The following CELF4 variants were observed in gnomAD, a reference collection of about 807,000 sequenced individuals.
CELF4 encodes the protein CUGBP Elav-like family member 4.
A neutral mutation model predicts 59.9 loss-of-function variants in CELF4; 18 were observed. That is an observed-to-expected ratio of 0.30 (90% CI 0.21 to 0.45). The LOEUF is 0.45. CELF4 is among the 20% of genes least tolerant of loss of function. The pLI is 1.00. For missense variants in CELF4, 456 were observed against 689.0 expected, an observed-to-expected ratio of 0.66 and a Z score of 3.79; for synonymous variants, 261 against 267.1, an observed-to-expected ratio of 0.98 and a Z score of 0.22.
rs895587930 is a variant in CELF4 at position 37,423,430 on chromosome 18, G to A, written c.369+62095C>T. Among the ~76,000 whole-genome samples, 14 of 152,238 alleles carry A rather than the reference G, an allele frequency of 9.2e-5. No individual in the cohort carries two copies. In the East Asian group the frequency reaches 1.2e-3, roughly 13 times the overall value. Reference sequence around the variant, plus strand: ...GATGGGAAGACTGCCTGGAGGAGGCGGGGTCAAAGGTGGGCTTAGGAGGAG... The same window carrying A: ...GATGGGAAGACTGCCTGGAGGAGGCAGGGTCAAAGGTGGGCTTAGGAGGAG... On this transcript the variant is annotated intron_variant, in intron 2 of 12. Transcript: ENST00000420428.
chr18:37,347,446 C>G (rs2098303010), intron 2 of CELF4, among the ~76,000 whole-genome samples: 1 of 152,166 alleles, frequency 6.6e-6, no homozygotes, highest in African/African-American at 2.4e-5. Flanking sequence ...ACACTTGGCT[C>G]TCTGTGCCTG....
At chr18:37,451,934 G>A (rs960239419) in intron 2 of CELF4, among the ~76,000 whole-genome samples, 2 of 152,140 alleles carry the variant, frequency 1.3e-5, no homozygotes, top group Non-Finnish European at 2.9e-5. Context: ...TGAGCCCAGG[G>A]CGGGGGATCC....
chr18:37,396,809 A>C (rs1211209597), intron 2 of CELF4, among the ~76,000 whole-genome samples: 3 of 152,192 alleles, frequency 2.0e-5, no homozygotes, highest in Admixed American at 6.5e-5. Flanking sequence ...CCGCACAGCC[A>C]AGCCACCACG....
chr18:37,488,092 G>T (rs961538219), intron 1 of CELF4, among the ~76,000 whole-genome samples: 9 of 151,892 alleles, frequency 5.9e-5, no homozygotes, highest in African/African-American at 1.9e-4. Context: ...CCTCTTCCCA[G>T]AACGGCACCC....
intron 2 of CELF4, among the ~76,000 whole-genome samples, chr18:37,458,766 G>C (rs1057280559): frequency 6.6e-6 from 1 of 152,130 alleles, no homozygotes; most frequent in East Asian, 1.9e-4. Context: ...AAAGTTTCTC[G>C]GGGTTTGCAG....
In CELF4 at chr18:37,337,005, C is replaced by T. The variant is rs113908759; in HGVS notation, c.370-15124G>A. On this transcript the variant is annotated intron_variant, in intron 2 of 12. Coordinates refer to ENST00000420428, the MANE Select transcript of CELF4 (RefSeq NM_020180.4). ...GTCCCTCCTGGGCCCTGGCCGCCTC[C>T]GGCTGTGCTCCACTCACCATGCCTG... 3.0e-3 allele frequency among the ~76,000 whole-genome samples: 456 copies of T among 152,306 alleles called. 3 individuals carry two copies. The highest frequency in any genetic ancestry group is 0.01 in the African/African-American group (436 of 41,574).
At chr18:37,336,779 G>A (rs1488564161) in intron 2 of CELF4, among the ~76,000 whole-genome samples, 2 of 152,182 alleles carry the variant, frequency 1.3e-5, no homozygotes, top group South Asian at 2.1e-4. Flanking sequence ...TGGATGCGGC[G>A]TCTCTCCAGG....
chr18:37,329,538 G>T (rs918990942), intron 2 of CELF4, among the ~76,000 whole-genome samples: 9 of 152,158 alleles, frequency 5.9e-5, no homozygotes, highest in Non-Finnish European at 1.3e-4. Context: ...GGCCTCTTTT[G>T]GCTGGCCAGA....
At chr18:37,326,418 C>A (rs143190556) in intron 2 of CELF4, among the ~76,000 whole-genome samples, 11 of 152,320 alleles carry the variant, frequency 7.2e-5, no homozygotes, top group South Asian at 2.1e-4. Context: ...TCCACCAGTG[C>A]GCTGTCCTCC....
intron 1 of CELF4, among the ~76,000 whole-genome samples, chr18:37,500,354 C>A (rs1325109154): frequency 6.6e-6 from 1 of 151,988 alleles, no homozygotes; most frequent in Non-Finnish European, 1.5e-5. Context: ...GGAGTAGGGC[C>A]GAGGAGGGGT....
rs115368970 is a variant in CELF4, at chr18:37,493,623, C to T, written c.287-8016G>A. 4.4e-3 allele frequency among the ~76,000 whole-genome samples: 671 copies of T among 151,222 alleles called. 6 individuals carry two copies. The highest frequency in any genetic ancestry group is 0.016 in the African/African-American group (645 of 41,072). ...TGCTCAGGCCCCTGGTAGCAGGAGCCATACGTCTTCCTCAGAGGAGGCAGC... is the reference window on the plus strand; with the variant it reads ...TGCTCAGGCCCCTGGTAGCAGGAGCTATACGTCTTCCTCAGAGGAGGCAGC... On this transcript the variant is annotated intron_variant, in intron 1 of 12. Coordinates refer to ENST00000420428, the MANE Select transcript of CELF4 (RefSeq NM_020180.4).
At chr18:37,560,621 TG>T (rs1345197019) in intron 1 of CELF4, among the ~76,000 whole-genome samples, 1 of 152,242 alleles carries the variant, frequency 6.6e-6, no homozygotes. Flanking sequence ...CTAGCCATTC[TG>T]CCAGTCTTTC....
intron 2 of CELF4, among the ~76,000 whole-genome samples, chr18:37,358,714 C>A (rs764403643): frequency 6.6e-6 from 1 of 152,218 alleles, no homozygotes; most frequent in African/African-American, 2.4e-5. Flanking sequence ...AGGCTGTAGT[C>A]CCTCCCTCAG....
At chr18:37,296,389 T>A (rs2095642663) in intron 3 of CELF4, among the ~76,000 whole-genome samples, 1 of 152,122 alleles carries the variant, frequency 6.6e-6, no homozygotes, top group African/African-American at 2.4e-5. Flanking sequence ...AGAAACAGGG[T>A]TTTGCCATGT....
chr18:37,405,725 T>C (rs1009946276), intron 2 of CELF4, among the ~76,000 whole-genome samples: 1 of 152,212 alleles, frequency 6.6e-6, no homozygotes, highest in African/African-American at 2.4e-5. Context: ...AGGAGTCCCC[T>C]CTCTACCTGT....
chr18:37,273,129 A>G lies in CELF4; in HGVS notation c.836T>C (p.Val279Ala). 6.2e-7 allele frequency: 1 copy of G among 1,613,358 alleles called. No individual in the cohort carries two copies. The highest frequency in any genetic ancestry group is 8.5e-7 in the Non-Finnish European group (1 of 1,179,608). ...MQQQAALMAS[V>A]AQGGYLNPMA... ...GGGGTTCAGGTAGCCGCCCTGCGCGACTGATGCCATCAGGGCCGCTTGCTG... is the reference window on the plus strand; with the variant it reads ...GGGGTTCAGGTAGCCGCCCTGCGCGGCTGATGCCATCAGGGCCGCTTGCTG... The change falls in exon 7 of 13, where the codon GTC (valine) becomes GCC (alanine). Residue 279 changes from valine (V) to alanine (A), a missense_variant. By Grantham distance (64) the Val-to-Ala change is moderately conservative. Transcript: ENST00000420428.
At chr18:37,483,227 G>T (rs2099873381) in intron 2 of CELF4, among the ~76,000 whole-genome samples, 1 of 152,174 alleles carries the variant, frequency 6.6e-6, no homozygotes, top group Non-Finnish European at 1.5e-5. Flanking sequence ...TCTGCTTTCT[G>T]GAATCAAAAC....
chr18:37,541,397 CT>C (rs2099977701), intron 1 of CELF4, among the ~76,000 whole-genome samples: 2 of 152,070 alleles, frequency 1.3e-5, no homozygotes, highest in South Asian at 4.2e-4. Flanking sequence ...CCTGGGACCC[CT>C]ATCTCCCAAA....
At chr18:37,328,607 C>T (rs1025669218) in intron 2 of CELF4, among the ~76,000 whole-genome samples, 1 of 152,204 alleles carries the variant, frequency 6.6e-6, no homozygotes, top group Non-Finnish European at 1.5e-5. Context: ...CTCTTACCTC[C>T]CCATTCCTGT....
Sources: gnomAD v4.1 joint callset for allele counts (sites outside exome capture counted in the v4.1 genomes callset) on GRCh38, gnomAD v4.1.1 for gene constraint, MANE v1.5 for transcripts, NCBI Gene and HGNC (gene_info 2026-07-23, HGNC 2026-07-21) for gene names.